The following RANBP3 variants were observed in gnomAD, a reference collection of about 807,000 sequenced individuals.
RANBP3 encodes the protein RAN binding protein 3.
Under a neutral mutation model 77.3 loss-of-function variants are expected in RANBP3, and 14 were observed. The ratio of observed to expected loss-of-function variants is 0.18; its 90% CI spans 0.12 to 0.28. RANBP3 has a LOEUF of 0.28. RANBP3 is among the 10% of genes least tolerant of loss of function. RANBP3 has a pLI of 1.00. For synonymous variants in RANBP3, 315 were observed against 312.4 expected (o/e 1.01, Z -0.09); for missense variants, 586 against 752.3 (o/e 0.78, Z 2.59).
chr19:5,955,367 G>C (rs2145201224), intron 2 of RANBP3, among the ~76,000 whole-genome samples: 1 of 152,262 alleles, frequency 6.6e-6, no homozygotes, highest in East Asian at 1.9e-4. Context: ...GCCTCCCAAA[G>C]TGCTGGGATT....
At position 5,924,881 on chromosome 19, in the gene RANBP3, G is replaced by C; in HGVS notation, c.942C>G (p.Ala314=). 1 of 1,614,110 alleles carries C rather than the reference G, an allele frequency of 6.2e-7. No homozygotes were observed. Among genetic ancestry groups the C allele is most frequent in the Non-Finnish European group, 8.5e-7 (1 of 1,179,956 alleles). ...SSSLENSTNS[A]DASSNKFVFG... ...ATACAAATTTGTTGCTGGAGGCGTC[G>C]GCACTATTGGTTGAGTTCTCTAAAC... Residue 314 remains alanine, a synonymous_variant, in exon 11 of 17, where the codon GCC becomes GCG. Coordinates refer to ENST00000340578, the MANE Select transcript of RANBP3 (RefSeq NM_007322.3). This position sits in a 1 kb window ranked among gnomAD's most constrained non-coding sequence, Gnocchi z 4.7.
chr19:5,946,020 G>A (rs2058199753), intron 3 of RANBP3, among the ~76,000 whole-genome samples: 1 of 151,808 alleles, frequency 6.6e-6, no homozygotes, highest in Non-Finnish European at 1.5e-5. Flanking sequence ...ACCAGGCTCT[G>A]GCCATGTGGC....
At chr19:5,937,055 C>CA (rs1568458812) in intron 5 of RANBP3, among the ~76,000 whole-genome samples, 2 of 7,156 alleles carry the variant, frequency 2.8e-4, no homozygotes, top group African/African-American at 8.4e-4. Flanking sequence ...GACTCTGTCT[C>CA]CAAAAAAAAA....
intron 1 of RANBP3, 139 bp downstream of exon 1, chr19:5,977,922 G>T: frequency 8.7e-7 from 1 of 1,148,826 alleles, no homozygotes; most frequent in Non-Finnish European, 1.2e-6. Flanking sequence ...GGGGGCGGCT[G>T]CAAGGCCCGC....
chr19:5,941,909 A>T, intron 3 of RANBP3, 74 bp from the exon 4 acceptor site: 1 of 1,556,272 alleles, frequency 6.4e-7, no homozygotes, highest in South Asian at 1.1e-5. Context: ...CGGGGCCGTA[A>T]CAAATATCCC....
In RANBP3 at chr19:5,924,384, C is replaced by T. The variant is rs139694374; in HGVS notation, c.996+443G>A. On this transcript the variant is annotated intron_variant, in intron 11 of 16. Transcript: ENST00000340578. This position sits in a 1 kb window ranked among gnomAD's most constrained non-coding sequence, Gnocchi z 4.7. ...AACCCTCTCCCAGGCTGGCTGGGCTCCTGGGAACGGAGATGGGCCTTTCGT... is the reference window on the plus strand; with the variant it reads ...AACCCTCTCCCAGGCTGGCTGGGCTTCTGGGAACGGAGATGGGCCTTTCGT... Among the ~76,000 whole-genome samples the T allele has an allele frequency of 1.7e-3, 256 of 152,370 alleles. 1 individual carries two copies. The highest frequency in any genetic ancestry group is 5.8e-3 in the African/African-American group (242 of 41,586).
At chr19:5,932,687 T>C in intron 6 of RANBP3, 143 bp from the exon 7 acceptor site, 1 of 608,758 alleles carries the variant, frequency 1.6e-6, no homozygotes, top group Non-Finnish European at 2.9e-6. Flanking sequence ...ACTTGAGGTC[T>C]TTTTTTAACA....
intron 8 of RANBP3, 52 bp downstream of exon 8, chr19:5,931,352 C>G (rs954719714): frequency 5.8e-6 from 9 of 1,556,936 alleles, no homozygotes; most frequent in Non-Finnish European, 7.0e-6. Context: ...GCTGCCCTCC[C>G]GCTCCCAAGG....
chr19:5,936,888 G>A (rs376821247), intron 5 of RANBP3, among the ~76,000 whole-genome samples: 9 of 151,658 alleles, frequency 5.9e-5, no homozygotes, highest in East Asian at 1.9e-4. Context: ...ACTAATCAAC[G>A]CGGCAGGGAT....
intron 5 of RANBP3, among the ~76,000 whole-genome samples, chr19:5,937,072 AAAAAAAAAAAAAGGAAG>A (rs1220708621): frequency 6.7e-6 from 1 of 148,256 alleles, no homozygotes; most frequent in East Asian, 1.9e-4. Context: ...AAAAAAAAAA[AAAAAAAAAAAAAGGAAG>A]AAAATCCCAT....
At chr19:5,964,775 T>C (rs1321715504) in intron 1 of RANBP3, among the ~76,000 whole-genome samples, 2 of 146,204 alleles carry the variant, frequency 1.4e-5, no homozygotes, top group Non-Finnish European at 3.0e-5. Context: ...ACTGTGCTAA[T>C]GCTTGGGACA....
rs959225286 is a variant in RANBP3 at position 5,959,986 on chromosome 19, C to T, written c.23-2013G>A. Among the ~76,000 whole-genome samples, 4 of 152,140 alleles carry T rather than the reference C, an allele frequency of 2.6e-5. No individual in the cohort carries two copies. Among genetic ancestry groups the T allele is most frequent in the African/African-American group, 7.2e-5 (3 of 41,436 alleles). The stretch of plus-strand genomic sequence containing the variant: ...GCTCCAGGCCTGACAAGAAGAGTCC[C>T]GCATGCATCGTCTAACACATGGCAC... On this transcript the variant is annotated intron_variant, in intron 1 of 16. Coordinates refer to ENST00000340578, the MANE Select transcript of RANBP3 (RefSeq NM_007322.3). This position sits in a 1 kb window ranked among gnomAD's most constrained non-coding sequence, Gnocchi z 5.1.
intron 13 of RANBP3, among the ~76,000 whole-genome samples, 165 bp downstream of exon 13, chr19:5,923,029 C>T (rs2057845942): frequency 1.3e-5 from 2 of 152,242 alleles, no homozygotes. Context: ...AGCCTAAGCT[C>T]TCTCTACAAA....
chr19:5,945,833 C>T (rs939632133), intron 3 of RANBP3, among the ~76,000 whole-genome samples: 1 of 152,060 alleles, frequency 6.6e-6, no homozygotes, highest in African/African-American at 2.4e-5. Context: ...TTGGGGTCTA[C>T]TCGTGGCTCT....
chr19:5,946,293 G>C (rs545732751), intron 3 of RANBP3, among the ~76,000 whole-genome samples: 11 of 152,326 alleles, frequency 7.2e-5, no homozygotes, highest in Admixed American at 2.6e-4. Flanking sequence ...ACTTGCTGAG[G>C]ACTTGCTGCG....
chr19:5,917,670 G>A lies in RANBP3; in HGVS notation c.1661-17C>T. 1 of 1,605,410 alleles carries A rather than the reference G, an allele frequency of 6.2e-7. No individual in the cohort carries two copies. Among genetic ancestry groups the A allele is most frequent in the Non-Finnish European group, 8.5e-7 (1 of 1,178,672 alleles). On this transcript the variant is annotated splice_polypyrimidine_tract_variant and intron_variant, in intron 16 of 16. Transcript: ENST00000340578. ...CACCAGCACCTGCAGGGAAGCAGCA[G>A]CCCCGCATCAGGATGGAGCCCGCAC... is the stretch of plus-strand genomic sequence containing the variant.
intron 1 of RANBP3, among the ~76,000 whole-genome samples, chr19:5,977,852 G>A (rs1368743547): frequency 2.0e-5 from 3 of 152,226 alleles, no homozygotes; most frequent in Non-Finnish European, 4.4e-5. Context: ...CGGCTGCAGT[G>A]GCTGGGGTTG....
intron 5 of RANBP3, 109 bp from the exon 6 acceptor site, chr19:5,933,588 TGGAGAACCAG>T (rs1599739564): frequency 2.6e-6 from 2 of 765,848 alleles, no homozygotes; most frequent in Non-Finnish European, 4.2e-6. Flanking sequence ...ACTTCGGGCC[TGGAGAACCAG>T]GGAGAACATT....
chr19:5,924,953 G>C lies in RANBP3; in HGVS notation c.918-48C>G. 1.3e-6 allele frequency: 2 copies of C among 1,538,688 alleles called. No homozygotes were observed. The highest frequency in any genetic ancestry group is 2.2e-5 in the South Asian group (2 of 89,572). On this transcript the variant is annotated intron_variant, in intron 10 of 16. Coordinates refer to ENST00000340578, the MANE Select transcript of RANBP3 (RefSeq NM_007322.3). This position sits in a 1 kb window ranked among gnomAD's most constrained non-coding sequence, Gnocchi z 4.7. The stretch of plus-strand genomic sequence containing the variant: ...GTGTGGGGCGTCACGTGGGAACGTG[G>C]CCAGGCAAATGTATGGGTACCCATG...
Sources: gnomAD v4.1 joint callset for allele counts (sites outside exome capture counted in the v4.1 genomes callset) on GRCh38, gnomAD v4.1.1 for gene constraint, Gnocchi (gnomAD v3.1) non-coding constraint, MANE v1.5 for transcripts, NCBI Gene and HGNC (gene_info 2026-07-23, HGNC 2026-07-21) for gene names.